The following SRP68 variants were observed in gnomAD, a reference collection of about 807,000 sequenced individuals.
SRP68 encodes the protein signal recognition particle subunit SRP68.
A neutral mutation model predicts 82.2 loss-of-function variants in SRP68; 15 were observed. The observed-to-expected ratio is 0.18, with a 90% CI of 0.12 to 0.28. The LOEUF (loss-of-function observed/expected upper bound fraction) is 0.28, where lower values mean the gene tolerates loss of function less well. SRP68 is among the 10% of genes least tolerant of loss of function. The probability of loss-of-function intolerance (pLI) is 1.00; values close to 1 mark genes in which losing one functional copy is unlikely to be tolerated. For synonymous variants in SRP68, 261 were observed against 292.6 expected, an observed-to-expected ratio of 0.89 and a Z score of 1.10; for missense variants, 595 against 780.5, an observed-to-expected ratio of 0.76 and a Z score of 2.83.
intron 2 of SRP68, 27 bp from the exon 3 acceptor site, chr17:76,067,357 C>T: frequency 1.3e-6 from 2 of 1,515,502 alleles, no homozygotes; most frequent in Non-Finnish European, 1.8e-6. Context: ...ACAAAACTCA[C>T]TCAGCCAAGC....
intron 4 of SRP68, among the ~76,000 whole-genome samples, chr17:76,063,172 C>T (rs1166647927): frequency 1.3e-5 from 2 of 152,076 alleles, no homozygotes; most frequent in South Asian, 2.1e-4. Context: ...TTATTCACTT[C>T]CCAGGAAAGA....
intron 8 of SRP68, among the ~76,000 whole-genome samples, chr17:76,052,661 G>A (rs1388619265): frequency 6.6e-6 from 1 of 151,766 alleles, no homozygotes; most frequent in African/African-American, 2.4e-5. Context: ...AAAATTAGCT[G>A]GGCATGGTGG....
Position 76,062,608 on chromosome 17 carries a change from T to A in SRP68, c.562-1034A>T, listed in dbSNP as rs71382193. On this transcript the variant is annotated intron_variant, in intron 4 of 15. Transcript: ENST00000307877. ...TATAATATATAATATACATTATATA[T>A]TATATAATATATAATATACATTATA... is the stretch of plus-strand genomic sequence containing the variant. Among the ~76,000 whole-genome samples, 71 of 66,382 alleles carry A rather than the reference T, an allele frequency of 1.1e-3. 3 individuals are homozygous for A. Among genetic ancestry groups the A allele is most frequent in the African/African-American group, 4.2e-3 (50 of 12,034 alleles). 43.5% of individuals were successfully genotyped at this position (66,382 alleles called of 152,430 possible).
Position 76,039,558 on chromosome 17 carries a change from C to G in SRP68, c.*148G>C. The G allele has an allele frequency of 1.3e-6, 1 of 764,896 alleles. No individual in the cohort carries two copies. Among genetic ancestry groups the G allele is most frequent in the East Asian group, 2.7e-5 (1 of 37,206 alleles). 47.4% of individuals were successfully genotyped at this position (764,896 alleles called of 1,614,324 possible). Reference sequence around the variant, plus strand: ...CACGCTGCTTAAGAACGTGTACAGACACAAGATGTAGGAATGCAGGGCCGA... The same window carrying G: ...CACGCTGCTTAAGAACGTGTACAGAGACAAGATGTAGGAATGCAGGGCCGA... On this transcript the variant is annotated 3_prime_UTR_variant, in exon 16 of 16. Coordinates refer to ENST00000307877, the MANE Select transcript of SRP68 (RefSeq NM_014230.4).
At chr17:76,051,295 CA>C (rs1031273604) in intron 8 of SRP68, among the ~76,000 whole-genome samples, 1 of 152,200 alleles carries the variant, frequency 6.6e-6, no homozygotes, top group African/African-American at 2.4e-5. Context: ...TGCCAAGCCA[CA>C]TTATCGTCCC....
chr17:76,061,240 G>C (rs759347536), intron 5 of SRP68, 21 bp from the exon 6 acceptor site: 2 of 1,525,234 alleles, frequency 1.3e-6, no homozygotes, highest in Non-Finnish European at 1.8e-6. Flanking sequence ...AGAAAAGCCA[G>C]GTTTTACATC....
Position 76,067,256 on chromosome 17 carries a change from G to A in SRP68, c.326C>T (p.Thr109Ile), listed in dbSNP as rs751151274. 5 of 1,613,604 alleles carry A rather than the reference G, an allele frequency of 3.1e-6. No homozygotes were observed. Among genetic ancestry groups the A allele is most frequent in the Admixed American group, 3.3e-5 (2 of 59,944 alleles). Residue 109 changes from threonine (T) to isoleucine (I), a missense_variant, in exon 3 of 16, where the codon ACA (threonine) becomes ATA (isoleucine). Coordinates refer to ENST00000307877, the MANE Select transcript of SRP68 (RefSeq NM_014230.4). ...NFKMGNRHKF[T>I]GKKVTEELLT... is the part of the protein sequence containing the mutation. Reference sequence around the variant, plus strand: ...AAGCTCTTCAGTCACTTTCTTCCCTGTGAATTTGTGTCTGTTACCCATCTT... The same window carrying A: ...AAGCTCTTCAGTCACTTTCTTCCCTATGAATTTGTGTCTGTTACCCATCTT...
intron 3 of SRP68, among the ~76,000 whole-genome samples, chr17:76,066,994 C>A (rs1490832174): frequency 1.3e-5 from 2 of 152,090 alleles, no homozygotes; most frequent in East Asian, 3.8e-4. Flanking sequence ...TCCCAACGTG[C>A]TGGGATTATA....
intron 10 of SRP68, 100 bp from the exon 11 acceptor site, chr17:76,046,294 C>A (rs772012603): frequency 8.3e-5 from 60 of 722,584 alleles, no homozygotes; most frequent in Non-Finnish European, 1.2e-4. Flanking sequence ...AAGCAGGGGG[C>A]GGGTGGGGGC....
At position 76,057,557 on chromosome 17, in the gene SRP68, TA is replaced by T. The variant is rs1567932231; in HGVS notation, c.838-15del. The stretch of plus-strand genomic sequence containing the variant: ...AGTGATCAAAGCCTGAAAAATAGTT[TA>T]AAAAAGTTAAAGCTTTAACTGGGGA... On this transcript the variant is annotated splice_polypyrimidine_tract_variant and intron_variant, in intron 7 of 15. Transcript: ENST00000307877. 2.5e-6 allele frequency: 4 copies of T among 1,613,730 alleles called. No individual in the cohort carries two copies. The Admixed American group carries it at 6.7e-5, about 27-fold the overall frequency.
In SRP68 at chr17:76,040,460, G is replaced by A. The variant is rs200920342; in HGVS notation, c.1615C>T (p.His539Tyr). ...TGGGAGGAGGAGGTCTCTGTTTGAT[G>A]AGCGTCGTTTGCATCTGAAAGTTTC... ...AAAILDANDAHQTETSSSQVK... is the reference protein window; with the variant it reads ...AAAILDANDAYQTETSSSQVK... Residue 539 changes from histidine to tyrosine, a missense_variant, in exon 15 of 16, where the codon CAT becomes TAT. By Grantham distance (83) the His-to-Tyr change is moderately conservative. Coordinates refer to ENST00000307877, the MANE Select transcript of SRP68 (RefSeq NM_014230.4). 1.3e-5 allele frequency: 21 copies of A among 1,614,008 alleles called. No homozygotes were observed. Among genetic ancestry groups the A allele is most frequent in the African/African-American group, 4.0e-5 (3 of 74,944 alleles).
chr17:76,054,404 A>G (rs1598263396), intron 8 of SRP68, among the ~76,000 whole-genome samples: 1 of 152,186 alleles, frequency 6.6e-6, no homozygotes, highest in East Asian at 1.9e-4. Flanking sequence ...GAGGTTTAGG[A>G]AAAAAATACA....
chr17:76,059,969 T>C (rs1015421666), intron 7 of SRP68, among the ~76,000 whole-genome samples: 1 of 149,306 alleles, frequency 6.7e-6, no homozygotes, highest in African/African-American at 2.5e-5. Flanking sequence ...ACTACAAATA[T>C]AAAAAAATTA....
intron 11 of SRP68, 93 bp from the exon 12 acceptor site, chr17:76,045,479 A>G (rs2066623427): frequency 5.7e-6 from 4 of 703,944 alleles, no homozygotes; most frequent in South Asian, 1.9e-5. Context: ...AAGAGTGAGG[A>G]AAAAAAAAAG....
chr17:76,065,839 T>G (rs1239917664), intron 3 of SRP68, among the ~76,000 whole-genome samples: 1 of 151,898 alleles, frequency 6.6e-6, no homozygotes, highest in Non-Finnish European at 1.5e-5. Flanking sequence ...TTCCCTGGTT[T>G]GCACTGACCA....
Position 76,060,832 on chromosome 17 carries a change from T to C in SRP68, c.754+278A>G, listed in dbSNP as rs548409190. 1.8e-4 allele frequency: 75 copies of C among 411,188 alleles called. 2 individuals carry two copies. In the South Asian group the frequency reaches 2.4e-3, roughly 13 times the overall value. 25.5% of individuals were successfully genotyped at this position (411,188 alleles called of 1,614,324 possible). On this transcript the variant is annotated intron_variant, in intron 6 of 15. Transcript: ENST00000307877. ...AGCCTTGCTGTGAACCTAAAACTGC[T>C]CTAAAACAGTAAAAAATGAACTCAG...
At chr17:76,064,809 C>G (rs1371730525) in intron 3 of SRP68, among the ~76,000 whole-genome samples, 1 of 144,374 alleles carries the variant, frequency 6.9e-6, no homozygotes, top group Non-Finnish European at 1.5e-5. Flanking sequence ...CCACTATACT[C>G]TCGTTTGGGC....
chr17:76,047,006 G>T (rs1383353406), intron 10 of SRP68, among the ~76,000 whole-genome samples: 1 of 152,166 alleles, frequency 6.6e-6, no homozygotes, highest in Non-Finnish European at 1.5e-5. Context: ...TACTCAGGAG[G>T]CTGAGGTGGG....
At position 76,072,187 on chromosome 17, in the gene SRP68, G is replaced by A; in HGVS notation, c.184+121C>T. The A allele has an allele frequency of 6.4e-7, 1 of 1,559,866 alleles. No individual in the cohort carries two copies. Among genetic ancestry groups the A allele is most frequent in the East Asian group, 2.4e-5 (1 of 42,488 alleles). On this transcript the variant is annotated intron_variant, in intron 1 of 15. Coordinates refer to ENST00000307877, the MANE Select transcript of SRP68 (RefSeq NM_014230.4). The surrounding 1 kb of genome is among the most constrained non-coding windows in gnomAD (Gnocchi z 4.5). ...TCTGAGCACCAAAAGGTAAGGGCGA[G>A]AGAAACTGCAACCCTCGGCCTCTCC...
Sources: gnomAD v4.1 joint callset for allele counts (sites outside exome capture counted in the v4.1 genomes callset) on GRCh38, gnomAD v4.1.1 for gene constraint, Gnocchi (gnomAD v3.1) non-coding constraint, MANE v1.5 for transcripts, NCBI Gene and HGNC (gene_info 2026-07-23, HGNC 2026-07-21) for gene names.